NRG3: variants seen among roughly 807,000 people sequenced by gnomAD.
NRG3 encodes neuregulin 3, also known as pro-neuregulin-3, membrane-bound isoform.
Under a neutral mutation model 66.9 loss-of-function variants are expected in NRG3, and 31 were observed. The ratio of observed to expected loss-of-function variants is 0.46; its 90% CI spans 0.35 to 0.63. NRG3 has a LOEUF of 0.63. Among genes scored for constraint, NRG3 ranks in the 20% least tolerant of loss-of-function variants. The probability of loss-of-function intolerance (pLI) is 0.00; values close to 1 mark genes in which losing one functional copy is unlikely to be tolerated. For missense variants in NRG3, 910 were observed against 878.9 expected, an observed-to-expected ratio of 1.04 and a Z score of -0.45; for synonymous variants, 393 against 359.4, an observed-to-expected ratio of 1.09 and a Z score of -1.06.
intron 1 of NRG3, among the ~76,000 whole-genome samples, chr10:81,968,543 G>T (rs1486523293): frequency 6.6e-6 from 1 of 152,190 alleles, no homozygotes; most frequent in Non-Finnish European, 1.5e-5. Context: ...CCGTGTTTTG[G>T]CAGGAACTCT....
intron 2 of NRG3, among the ~76,000 whole-genome samples, chr10:82,656,805 A>G (rs2051901126): frequency 6.6e-6 from 1 of 152,136 alleles, no homozygotes; most frequent in Admixed American, 6.6e-5. Flanking sequence ...TGCCTCATAT[A>G]TCTATTTTAT....
chr10:82,478,092 G>T (rs1287067751), intron 2 of NRG3, among the ~76,000 whole-genome samples: 1 of 152,090 alleles, frequency 6.6e-6, no homozygotes, highest in Non-Finnish European at 1.5e-5. Flanking sequence ...AAATGCTTAC[G>T]AATCCCTTTA....
At chr10:82,495,929 T>G (rs1240756988) in intron 2 of NRG3, among the ~76,000 whole-genome samples, 1 of 152,136 alleles carries the variant, frequency 6.6e-6, no homozygotes, top group Non-Finnish European at 1.5e-5. Context: ...GCCTAAAGAA[T>G]GTAGGACTAT....
intron 4 of NRG3, among the ~76,000 whole-genome samples, chr10:82,944,206 C>T (rs1333854846): frequency 2.6e-5 from 4 of 151,794 alleles, no homozygotes; most frequent in Non-Finnish European, 4.4e-5. Flanking sequence ...TTTGCATGTC[C>T]CCAGGCTACA....
At chr10:82,927,048 C>T (rs542898763) in intron 4 of NRG3, among the ~76,000 whole-genome samples, 2 of 152,152 alleles carry the variant, frequency 1.3e-5, no homozygotes, top group African/African-American at 4.8e-5. Context: ...CAGAGCTTTT[C>T]CACCTGAAGT....
intron 1 of NRG3, among the ~76,000 whole-genome samples, chr10:82,303,075 C>G (rs1176435015): frequency 6.6e-6 from 1 of 152,100 alleles, no homozygotes; most frequent in Non-Finnish European, 1.5e-5. Flanking sequence ...TATCTCTCTA[C>G]TATTAGATGG....
In NRG3 at chr10:82,816,673, G is replaced by A. The variant is rs193038647; in HGVS notation, c.1028-48738G>A. Among the ~76,000 whole-genome samples, 521 of 152,276 alleles carry A rather than the reference G, an allele frequency of 3.4e-3. 2 individuals are homozygous for A. Among genetic ancestry groups the A allele is most frequent in the Non-Finnish European group, 5.7e-3 (391 of 68,024 alleles). ...GTCTGCCTCCTACTTCCTTAATCAT[G>A]TTGTCCATAGTGCCCAGTCTGTTCA... On this transcript the variant is annotated intron_variant, in intron 3 of 8. Transcript: ENST00000372141.
At chr10:82,003,230 A>C (rs997437493) in intron 1 of NRG3, among the ~76,000 whole-genome samples, 1 of 152,214 alleles carries the variant, frequency 6.6e-6, no homozygotes, top group Non-Finnish European at 1.5e-5. Flanking sequence ...CATGGGCAGA[A>C]TCATGAGTTT....
intron 3 of NRG3, among the ~76,000 whole-genome samples, chr10:82,852,782 G>A (rs1319758760): frequency 6.6e-6 from 1 of 152,206 alleles, no homozygotes; most frequent in African/African-American, 2.4e-5. Context: ...GGGGTGCCGA[G>A]TGGAGTAATT....
chr10:82,048,513 G>A (rs1487612891), intron 1 of NRG3, among the ~76,000 whole-genome samples: 1 of 151,346 alleles, frequency 6.6e-6, no homozygotes, highest in Middle Eastern at 3.2e-3. Context: ...GGTACATAAC[G>A]AAATGAAGGC....
intron 2 of NRG3, among the ~76,000 whole-genome samples, chr10:82,691,042 T>G (rs1175821919): frequency 6.6e-6 from 1 of 152,074 alleles, no homozygotes. Context: ...TTTATTTTCC[T>G]TCCCCCTCTT....
intron 1 of NRG3, among the ~76,000 whole-genome samples, chr10:82,052,009 TG>T (rs2063615608): frequency 6.7e-6 from 1 of 150,120 alleles, no homozygotes. Context: ...GGACTATTGC[TG>T]GGAGCCACAT....
At chr10:82,430,353 G>A (rs2136316627) in intron 2 of NRG3, among the ~76,000 whole-genome samples, 1 of 152,112 alleles carries the variant, frequency 6.6e-6, no homozygotes, top group South Asian at 2.1e-4. Flanking sequence ...TGCCTCCTGG[G>A]TTCACGCCAT....
chr10:82,230,081 A>C (rs577956107), intron 1 of NRG3: 8 of 152,332 alleles, frequency 5.3e-5, no homozygotes, highest in African/African-American at 1.4e-4. Flanking sequence ...AAAATGTTTA[A>C]AGTTACTTTT....
At chr10:82,122,842 G>T (rs1260025163) in intron 1 of NRG3, among the ~76,000 whole-genome samples, 4 of 151,796 alleles carry the variant, frequency 2.6e-5, no homozygotes, top group Admixed American at 2.6e-4. Flanking sequence ...AATATTTCTG[G>T]CTCTACAACC....
At chr10:82,074,317 T>G (rs2064972935) in intron 1 of NRG3, among the ~76,000 whole-genome samples, 1 of 152,066 alleles carries the variant, frequency 6.6e-6, no homozygotes. Flanking sequence ...AGTGGAGATG[T>G]AGTCAAAGGC....
chr10:82,289,843 T>G (rs567062428), intron 1 of NRG3, among the ~76,000 whole-genome samples: 1 of 152,216 alleles, frequency 6.6e-6, no homozygotes, highest in Non-Finnish European at 1.5e-5. Context: ...GAAGAAATAA[T>G]GGCTTTAATA....
intron 1 of NRG3, among the ~76,000 whole-genome samples, chr10:82,110,921 A>G (rs2132238558): frequency 6.6e-6 from 1 of 152,270 alleles, no homozygotes; most frequent in East Asian, 1.9e-4. Flanking sequence ...AAGTTTAGAT[A>G]GAGAAAAGAA....
At chr10:82,904,428 A>T (rs1844526114) in intron 4 of NRG3, among the ~76,000 whole-genome samples, 1 of 152,118 alleles carries the variant, frequency 6.6e-6, no homozygotes, top group African/African-American at 2.4e-5. Context: ...CCCTCCTTAA[A>T]ATGAGACATG....
Sources: allele counts gnomAD v4.1 joint callset (sites outside exome capture counted in the v4.1 genomes callset), GRCh38; gene constraint gnomAD v4.1.1; transcripts MANE v1.5; gene names NCBI Gene and HGNC (gene_info 2026-07-23, HGNC 2026-07-21).